DTWD2: variants seen among roughly 807,000 people sequenced by gnomAD.
DTWD2 encodes the protein tRNA-uridine aminocarboxypropyltransferase 2.
In DTWD2, 39 loss-of-function variants were observed where a neutral mutation model predicts 31.8. The ratio of observed to expected loss-of-function variants is 1.22; its 90% CI spans 0.95 to 1.60. DTWD2 has a LOEUF of 1.60. Among genes scored for constraint, DTWD2 ranks in the 40% most tolerant of loss-of-function variants. The probability of loss-of-function intolerance (pLI) is 0.00; values close to 1 mark genes in which losing one functional copy is unlikely to be tolerated. For missense variants in DTWD2, 515 were observed against 381.5 expected (o/e 1.35, Z -2.92); for synonymous variants, 180 against 142.8 (o/e 1.26, Z -1.86).
intron 1 of DTWD2, among the ~76,000 whole-genome samples, chr5:118,955,464 G>A (rs1754564190): frequency 6.6e-6 from 1 of 152,068 alleles, no homozygotes; most frequent in African/African-American, 2.4e-5. Flanking sequence ...AATCTCTCTA[G>A]AAGGTTTAAA....
intron 1 of DTWD2, among the ~76,000 whole-genome samples, chr5:118,969,614 C>T (rs1754936940): frequency 6.6e-6 from 1 of 152,128 alleles, no homozygotes; most frequent in Non-Finnish European, 1.5e-5. Context: ...AAAAGAAAAA[C>T]AAACGAACGG....
chr5:118,865,751 C>T (rs999488172), intron 4 of DTWD2, among the ~76,000 whole-genome samples: 1 of 152,070 alleles, frequency 6.6e-6, no homozygotes, highest in Admixed American at 6.6e-5. Context: ...CTCATTGATT[C>T]ACAATAAACA....
chr5:118,920,244 C>T lies in DTWD2; in HGVS notation c.597+8293G>A, dbSNP rs1559118. Among the ~76,000 whole-genome samples, 463 of 152,114 alleles carry T rather than the reference C, an allele frequency of 3.0e-3. 5 individuals carry two copies. Among genetic ancestry groups the T allele is most frequent in the African/African-American group, 0.01 (429 of 41,500 alleles). ...ACATACATTAATTTCAAGGAATGCT[C>T]CCATGAAAAGGAAAACTGGGGTATC... On this transcript the variant is annotated intron_variant, in intron 4 of 5. Coordinates refer to ENST00000510708, the MANE Select transcript of DTWD2 (RefSeq NM_173666.4).
chr5:118,952,846 C>T (rs541221304), intron 1 of DTWD2, among the ~76,000 whole-genome samples: 27 of 152,246 alleles, frequency 1.8e-4, no homozygotes, highest in Non-Finnish European at 3.5e-4. Context: ...CTTGTTTGCA[C>T]GTCTCTGTTA....
Position 118,931,150 on chromosome 5 carries a change from T to C in DTWD2, c.405-2421A>G, listed in dbSNP as rs146296171. 8.1e-3 allele frequency among the ~76,000 whole-genome samples: 1,233 copies of C among 152,242 alleles called. 7 individuals are homozygous for C. Among genetic ancestry groups the C allele is most frequent in the Middle Eastern group, 0.027 (8 of 294 alleles). On this transcript the variant is annotated intron_variant, in intron 3 of 5. Transcript: ENST00000510708. ...GCTCACCCCTGTAATCCCAGCACTT[T>C]GGGAGTCCAAGGCAGGAGCACTGCT...
At chr5:118,967,618 G>T (rs1438199830) in intron 1 of DTWD2, among the ~76,000 whole-genome samples, 2 of 151,926 alleles carry the variant, frequency 1.3e-5, no homozygotes, top group African/African-American at 2.4e-5. Context: ...AGCAATAAAA[G>T]AAATAAAAAT....
chr5:118,947,794 AC>A (rs1580429620), intron 1 of DTWD2, among the ~76,000 whole-genome samples: 1 of 152,104 alleles, frequency 6.6e-6, no homozygotes, highest in East Asian at 1.9e-4. Flanking sequence ...GAGCCACCAT[AC>A]TCAACCAATT....
intron 4 of DTWD2, among the ~76,000 whole-genome samples, chr5:118,920,508 T>C (rs558744899): frequency 6.6e-6 from 1 of 152,268 alleles, no homozygotes; most frequent in East Asian, 1.9e-4. Flanking sequence ...TTAAACACAG[T>C]TCATTTTGTT....
chr5:118,877,316 C>A (rs1435537751), intron 4 of DTWD2, among the ~76,000 whole-genome samples: 1 of 151,606 alleles, frequency 6.6e-6, no homozygotes, highest in African/African-American at 2.4e-5. Flanking sequence ...ACTAAAAGTA[C>A]AAAAAATTAG....
chr5:118,920,532 T>G (rs1356350054), intron 4 of DTWD2, among the ~76,000 whole-genome samples: 1 of 152,146 alleles, frequency 6.6e-6, no homozygotes, highest in African/African-American at 2.4e-5. Context: ...ATACCTAGAT[T>G]AAGAAAATGC....
At chr5:118,972,878 T>C (rs1262562490) in intron 1 of DTWD2, among the ~76,000 whole-genome samples, 2 of 152,156 alleles carry the variant, frequency 1.3e-5, no homozygotes, top group African/African-American at 4.8e-5. Flanking sequence ...AAAAACCACA[T>C]GATTCTAAGG....
At chr5:118,845,235 C>A (rs999963392) in intron 5 of DTWD2, among the ~76,000 whole-genome samples, 1 of 152,096 alleles carries the variant, frequency 6.6e-6, no homozygotes, top group Non-Finnish European at 1.5e-5. Flanking sequence ...TATTCTCCCC[C>A]ACCATCTTAA....
At chr5:118,984,739 T>G (rs778720740) in intron 1 of DTWD2, among the ~76,000 whole-genome samples, 1 of 152,192 alleles carries the variant, frequency 6.6e-6, no homozygotes, top group African/African-American at 2.4e-5. Flanking sequence ...TTTTAAAACA[T>G]GCTGTTTTTA....
intron 4 of DTWD2, among the ~76,000 whole-genome samples, chr5:118,914,628 T>C (rs1327731707): frequency 1.3e-5 from 2 of 152,254 alleles, no homozygotes; most frequent in East Asian, 1.9e-4. Context: ...TACAGTCTAA[T>C]TGGCAAAATA....
intron 4 of DTWD2, among the ~76,000 whole-genome samples, chr5:118,855,953 G>T (rs1184512278): frequency 1.3e-5 from 2 of 152,122 alleles, no homozygotes; most frequent in Non-Finnish European, 2.9e-5. Flanking sequence ...TAATAGTTGA[G>T]TTAGGAAGTA....
chr5:118,857,450 T>C (rs1353270391), intron 4 of DTWD2, among the ~76,000 whole-genome samples: 1 of 152,200 alleles, frequency 6.6e-6, no homozygotes, highest in Non-Finnish European at 1.5e-5. Context: ...CATATGCTCA[T>C]TGGCCATATA....
chr5:118,841,680 C>T (rs762973946), intron 5 of DTWD2, among the ~76,000 whole-genome samples: 4 of 151,958 alleles, frequency 2.6e-5, no homozygotes, highest in East Asian at 1.9e-4. Flanking sequence ...AACAGAAACA[C>T]GTAAACTGGG....
chr5:118,985,490 T>TTATATATATATATATA (rs56393420), intron 1 of DTWD2, among the ~76,000 whole-genome samples: 3,639 of 94,714 alleles, frequency 0.038, 127 homozygotes, highest in South Asian at 0.062. Flanking sequence ...ATGTGCATTT[T>TTATATATATATATATA]TATATATATA....
intron 1 of DTWD2, among the ~76,000 whole-genome samples, chr5:118,979,259 G>C (rs1359611060): frequency 6.6e-6 from 1 of 151,452 alleles, no homozygotes; most frequent in African/African-American, 2.4e-5. Context: ...AGCAAAGACT[G>C]TGCCACTGCA....
Sources: gnomAD v4.1 joint callset for allele counts (sites outside exome capture counted in the v4.1 genomes callset) on GRCh38, gnomAD v4.1.1 for gene constraint, MANE v1.5 for transcripts, NCBI Gene and HGNC (gene_info 2026-07-23, HGNC 2026-07-21) for gene names.